Variants in CD33 observed in about 807,000 individuals in gnomAD.
CD33 encodes CD33 molecule.
CD33 carries 25 observed loss-of-function variants against 31.4 expected under a neutral mutation model. That is an observed-to-expected ratio of 0.80 (90% confidence interval 0.58 to 1.11). The LOEUF is 1.11. CD33 is among the 50% of genes most tolerant of loss of function. The pLI, the probability that CD33 is intolerant of heterozygous loss-of-function variation, is 0.00. For synonymous variants in CD33, 176 were observed against 180.6 expected (o/e 0.97, Z 0.20); for missense variants, 407 against 448.1 (o/e 0.91, Z 0.83).
At chr19:51,224,549 A>ACGGT (rs1466858538), upstream of CD33, among the ~76,000 whole-genome samples, 1 of 152,200 alleles carries the variant, frequency 6.6e-6, no homozygotes, top group African/African-American at 2.4e-5. Flanking sequence ...CTCCGAGATG[A>ACGGT]CGGTGCTCCT....
At chr19:51,226,387 T>TA in intron 4 of CD33, 31 bp downstream of exon 4, 1 of 1,598,070 alleles carries the variant, frequency 6.3e-7, no homozygotes, top group Non-Finnish European at 8.6e-7. Flanking sequence ...CTGGGGCTGT[T>TA]ACTGACATTG....
chr19:51,225,667 G>A (rs1012504206), intron 2 of CD33, 69 bp downstream of exon 2: 31 of 1,532,756 alleles, frequency 2.0e-5, no homozygotes, highest in African/African-American at 5.5e-5. Flanking sequence ...GCTGGGATGG[G>A]ACCCTGGTAC....
intron 4 of CD33, 76 bp downstream of exon 4, chr19:51,226,432 A>G: frequency 1.5e-6 from 2 of 1,329,870 alleles, no homozygotes; most frequent in South Asian, 2.3e-5. Context: ...CTGGACTTTC[A>G]GAGTCAAATG....
upstream of CD33, among the ~76,000 whole-genome samples, chr19:51,222,534 C>T (rs1301238557): frequency 6.6e-6 from 1 of 152,162 alleles, no homozygotes; most frequent in African/African-American, 2.4e-5. Flanking sequence ...TACTACTTAA[C>T]AATATCACAT....
rs780137498 is a variant in CD33, at chr19:51,226,062, C to T, written c.678C>T (p.Thr226=). 1.2e-6 allele frequency: 2 copies of T among 1,614,028 alleles called. No individual in the cohort carries two copies. Among genetic ancestry groups the T allele is most frequent in the South Asian group, 1.1e-5 (1 of 91,080 alleles). Residue 226 remains threonine, a synonymous_variant, in exon 3 of 7, where the codon ACC becomes ACT. Transcript: ENST00000262262. The stretch of plus-strand genomic sequence containing the variant: ...GAGCTGGTGTGACTACGGAGAGAAC[C>T]ATCCAGCTCAACGTCACCTGTAAGT... The part of the protein sequence containing the change: ...FAGAGVTTER[T]IQLNVTYVPQ...
chr19:51,234,476 C>G (rs936836871), intron 4 of CD33, among the ~76,000 whole-genome samples: 1 of 152,162 alleles, frequency 6.6e-6, no homozygotes, highest in Non-Finnish European at 1.5e-5. Context: ...TGGCCTCTGT[C>G]CAAAGACCAG....
the CD33 span, chr19:51,211,372 T>A: frequency 1.7e-3 from 2,587 of 1,555,758 alleles, 11 homozygotes; most frequent in Middle Eastern, 4.2e-3. Flanking sequence ...AGCCATTGTA[T>A]CCAGGGACTC....
At chr19:51,235,880 C>T (rs552629913) in intron 6 of CD33, 51 of 708,382 alleles carry the variant, frequency 7.2e-5, no homozygotes, top group Middle Eastern at 5.9e-4. Flanking sequence ...GTTTCTTGGC[C>T]GGGCACAGTG....
chr19:51,222,249 G>A (rs574693907), upstream of CD33, among the ~76,000 whole-genome samples: 15 of 152,306 alleles, frequency 9.8e-5, no homozygotes, highest in South Asian at 6.2e-4. Flanking sequence ...AGTATCATAC[G>A]TCGACAAGGG....
chr19:51,225,786 C>T lies in CD33; in HGVS notation c.419-17C>T, dbSNP rs748647273. 1 of 1,608,544 alleles carries T rather than the reference C, an allele frequency of 6.2e-7. No individual in the cohort carries two copies. The highest frequency in any genetic ancestry group is 8.5e-7 in the Non-Finnish European group (1 of 1,176,152). On this transcript the variant is annotated splice_polypyrimidine_tract_variant and intron_variant, in intron 2 of 6. Transcript: ENST00000262262. Reference sequence around the variant, plus strand: ...ACCCTCCCTCCTGATTCTGCATCCCCTCTTTCTCCTCACTAGACTTGACCC... The same window carrying T: ...ACCCTCCCTCCTGATTCTGCATCCCTTCTTTCTCCTCACTAGACTTGACCC...
chr19:51,234,037 A>AT lies in CD33; in HGVS notation c.746-1111dup, dbSNP rs141034398. Among the ~76,000 whole-genome samples the AT allele has an allele frequency of 1.7e-3, 256 of 150,884 alleles. 2 individuals carry two copies. The highest frequency in any genetic ancestry group is 9.2e-3 in the East Asian group (47 of 5,114). ...TGAGCCATTTTGCTCCAATGGGGGC[A>AT]TTTTTTTTTAATAGGTTTTATTTTT... On this transcript the variant is annotated intron_variant, in intron 4 of 6. Transcript: ENST00000262262.
rs758437739 is a variant in CD33, at chr19:51,235,620, G to A, written c.868G>A (p.Ala290Thr). The A allele has an allele frequency of 1.9e-6, 3 of 1,613,876 alleles. No individual in the cohort carries two copies. Among genetic ancestry groups the A allele is most frequent in the South Asian group, 1.1e-5 (1 of 91,022 alleles). Residue 290 changes from alanine (A) to threonine (T), a missense_variant, in exon 6 of 7, where the codon GCC becomes ACC. Physicochemically the swap from Ala to Thr is moderately conservative, Grantham distance 58. Coordinates refer to ENST00000262262, the MANE Select transcript of CD33 (RefSeq NM_001772.4). ...AGTGAAGACCCACAGGAGGAAAGCA[G>A]CCAGGACAGCAGTGGGCAGGAATGA... ...FIVKTHRRKA[A>T]RTAVGRNDTH...
intron 4 of CD33, among the ~76,000 whole-genome samples, chr19:51,229,306 G>A (rs906204006): frequency 6.6e-6 from 1 of 152,012 alleles, no homozygotes; most frequent in Non-Finnish European, 1.5e-5. Flanking sequence ...CTATTTTGTT[G>A]AATATTTTTG....
intron 4 of CD33, among the ~76,000 whole-genome samples, chr19:51,234,617 G>T (rs569387852): frequency 6.6e-6 from 1 of 152,054 alleles, no homozygotes. Context: ...TCAGAGACAC[G>T]CCCCTGACTC....
At chr19:51,219,335 G>A in the CD33 span, among the ~76,000 whole-genome samples, 874 of 152,272 alleles carry the variant, frequency 5.7e-3, 13 homozygotes, top group African/African-American at 0.02. Flanking sequence ...TACTGTTGGT[G>A]TATAGAAGTG....
chr19:51,225,320 T>C lies in CD33; in HGVS notation c.140T>C (p.Ile47Thr). 6.2e-7 allele frequency: 1 copy of C among 1,614,172 alleles called. No individual in the cohort carries two copies. The highest frequency in any genetic ancestry group is 8.5e-7 in the Non-Finnish European group (1 of 1,180,024). ...GTGCCCTGCACTTTCTTCCATCCCA[T>C]ACCCTACTACGACAAGAACTCCCCA... ...VLVPCTFFHP[I>T]PYYDKNSPVH... The change falls in exon 2 of 7, where the codon ATA becomes ACA. Residue 47 changes from isoleucine to threonine, a missense_variant. Physicochemically the swap from Ile to Thr is moderately conservative, Grantham distance 89. Transcript: ENST00000262262.
chr19:51,211,891 C>A, the CD33 span: 3 of 1,437,730 alleles, frequency 2.1e-6, no homozygotes, highest in Non-Finnish European at 2.9e-6. Context: ...GAGCAGGGGA[C>A]GCCCCCCATC....
At chr19:51,237,751 C>T (rs980660345) in intron 6 of CD33, 8 of 152,240 alleles carry the variant, frequency 5.3e-5, no homozygotes, top group South Asian at 2.1e-4. Flanking sequence ...GTTATTGATG[C>T]GTTTAGAGCA....
In CD33 at chr19:51,239,156, G is replaced by C. The variant is rs181475660; in HGVS notation, c.925-362G>C. On this transcript the variant is annotated intron_variant, in intron 6 of 6. Coordinates refer to ENST00000262262, the MANE Select transcript of CD33 (RefSeq NM_001772.4). ...GCACATAGGAGGTCCCAGAGACCTG[G>C]GACCGAGTTCAGGGTCAACAGATGT... 33 of 162,508 alleles carry C rather than the reference G, an allele frequency of 2.0e-4. 1 individual carries two copies. The East Asian group carries it at 5.7e-3, about 28-fold the overall frequency. The allele number at this position is 162,508 out of a possible 1,614,324, so 10.1% of individuals were successfully genotyped here. A position where few individuals can be genotyped will look rare whatever the true frequency, so the allele number is the denominator to read the frequency against.
Sources: allele counts gnomAD v4.1 joint callset (sites outside exome capture counted in the v4.1 genomes callset), GRCh38; gene constraint gnomAD v4.1.1; transcripts MANE v1.5; gene names NCBI Gene and HGNC (gene_info 2026-07-23, HGNC 2026-07-21).